Variants in BCLAF3 observed in about 807,000 individuals in gnomAD.
BCLAF3 encodes the protein BCLAF1 and THRAP3 family member 3.
A neutral mutation model predicts 51.2 loss-of-function variants in BCLAF3; 24 were observed. The ratio of observed to expected loss-of-function variants is 0.47; its 90% CI spans 0.34 to 0.66. BCLAF3 has a LOEUF of 0.66. Among genes scored for constraint, BCLAF3 ranks in the 30% least tolerant of loss-of-function variants. BCLAF3 has a pLI of 0.01. For missense variants in BCLAF3, 465 were observed against 525.1 expected (o/e 0.89, Z 1.12); for synonymous variants, 152 against 176.6 (o/e 0.86, Z 1.10).
At chrX:19,950,902 A>G (rs372335470) in intron 7 of BCLAF3, 34 bp from the exon 8 acceptor site, 32 of 1,015,560 alleles carry the variant, frequency 3.2e-5, no homozygotes, top group Non-Finnish European at 4.3e-5. Flanking sequence ...AACCATTCAC[A>G]TTACTTTTAG....
intron 8 of BCLAF3, among the ~76,000 whole-genome samples, chrX:19,947,466 A>C (rs1472612267): frequency 9.0e-6 from 1 of 111,730 alleles, no homozygotes; most frequent in Non-Finnish European, 1.9e-5. Context: ...ACGGGTAAGA[A>C]GTGGAAGTAA....
chrX:19,988,253 T>C (rs1217246666), intron 1 of BCLAF3, among the ~76,000 whole-genome samples: 2 of 112,241 alleles, frequency 1.8e-5, no homozygotes, highest in African/African-American at 6.5e-5. Context: ...TTTTAAATAT[T>C]TGCTCCTTCA....
chrX:19,955,565 C>T lies in BCLAF3; in HGVS notation c.1276G>A (p.Val426Ile). Residue 426 changes from valine (V) to isoleucine (I), a missense_variant and splice_region_variant, in exon 5 of 12, where the codon GTT becomes ATT. Coordinates refer to ENST00000379682, the MANE Select transcript of BCLAF3 (RefSeq NM_001367774.2). The part of the protein sequence containing the change: ...DVKKTVDTFR[V>I]ASSYSTERQM... ...CTCTCTGTGGAATAGCTAGAAGCAACCCTAGAATAATTTGCAAATGTTTAA... is the reference window on the plus strand; with the variant it reads ...CTCTCTGTGGAATAGCTAGAAGCAATCCTAGAATAATTTGCAAATGTTTAA... 1.7e-6 allele frequency: 2 copies of T among 1,167,402 alleles called. No homozygotes were observed. Among genetic ancestry groups the T allele is most frequent in the Non-Finnish European group, 2.3e-6 (2 of 878,581 alleles).
intron 9 of BCLAF3, among the ~76,000 whole-genome samples, chrX:19,936,932 C>T (rs2070785119): frequency 8.9e-6 from 1 of 111,962 alleles, no homozygotes; most frequent in Admixed American, 9.5e-5. Flanking sequence ...AATTGTACAC[C>T]TAAAATGGGT....
At chrX:19,920,899 C>T (rs1292272357) in intron 11 of BCLAF3, among the ~76,000 whole-genome samples, 1 of 109,426 alleles carries the variant, frequency 9.1e-6, no homozygotes, top group African/African-American at 3.3e-5. Flanking sequence ...AGGCAAATGA[C>T]AATAATTAGA....
intron 8 of BCLAF3, among the ~76,000 whole-genome samples, chrX:19,949,915 G>A (rs2071424841): frequency 9.0e-6 from 1 of 111,381 alleles, no homozygotes; most frequent in Admixed American, 9.5e-5. Flanking sequence ...AATCATATGG[G>A]GCCCCAGAGT....
chrX:19,958,501 C>G (rs919627217), intron 4 of BCLAF3, among the ~76,000 whole-genome samples: 1 of 112,459 alleles, frequency 8.9e-6, no homozygotes, highest in African/African-American at 3.2e-5. Context: ...TCACATGCAG[C>G]ATAACGGCGT....
chrX:19,940,465 A>C (rs1438014847), intron 8 of BCLAF3, among the ~76,000 whole-genome samples: 6 of 109,385 alleles, frequency 5.5e-5, no homozygotes, highest in Non-Finnish European at 7.6e-5. Flanking sequence ...ATTCCCCTTC[A>C]TGTGTCCATG....
At chrX:19,970,622 G>A (rs2072226035) in intron 1 of BCLAF3, among the ~76,000 whole-genome samples, 1 of 111,269 alleles carries the variant, frequency 9.0e-6, no homozygotes, top group Admixed American at 9.6e-5. Context: ...ATTGAGATGT[G>A]TCGTAAGTGT....
intron 1 of BCLAF3, among the ~76,000 whole-genome samples, chrX:19,980,059 T>C (rs1319673112): frequency 8.9e-6 from 1 of 112,018 alleles, no homozygotes; most frequent in Non-Finnish European, 1.9e-5. Context: ...AGAACTAAAC[T>C]AATATTTAAA....
chrX:19,982,336 G>T (rs1195033461), intron 1 of BCLAF3, among the ~76,000 whole-genome samples: 2 of 110,554 alleles, frequency 1.8e-5, no homozygotes, highest in Non-Finnish European at 1.9e-5. Context: ...TCACAGAAAC[G>T]CACCAAGTCA....
At chrX:19,918,891 A>C (rs1008856781) in intron 11 of BCLAF3, among the ~76,000 whole-genome samples, 1 of 110,144 alleles carries the variant, frequency 9.1e-6, no homozygotes, top group Non-Finnish European at 1.9e-5. Flanking sequence ...AGCACTTCTT[A>C]TCTAGGTTTT....
rs762216127 is a variant in BCLAF3, at chrX:19,965,371, C to T, written c.947G>A (p.Gly316Asp). The T allele has an allele frequency of 2.5e-6, 3 of 1,209,249 alleles. No homozygotes were observed. The highest frequency in any genetic ancestry group is 3.4e-6 in the Non-Finnish European group (3 of 894,631). ...EEDRKYSFQK[G>D]PLNRELDCFN... is the part of the protein sequence containing the mutation. ...ACAATCTAACTCTCTATTTAGAGGG[C>T]CTTTTTGAAAACTATATTTTCTATC... The change falls in exon 4 of 12, where the codon GGC becomes GAC. Residue 316 changes from glycine to aspartate, a missense_variant. Physicochemically the swap from Gly to Asp is moderately conservative, Grantham distance 94. Coordinates refer to ENST00000379682, the MANE Select transcript of BCLAF3 (RefSeq NM_001367774.2).
At chrX:19,978,059 A>G (rs912080440) in intron 1 of BCLAF3, among the ~76,000 whole-genome samples, 1 of 112,074 alleles carries the variant, frequency 8.9e-6, no homozygotes, top group African/African-American at 3.2e-5. Flanking sequence ...ATGCTCATTG[A>G]CAATGCACCT....
intron 1 of BCLAF3, among the ~76,000 whole-genome samples, chrX:19,977,563 T>C (rs959474061): frequency 1.8e-5 from 2 of 111,800 alleles, no homozygotes; most frequent in Non-Finnish European, 3.8e-5. Context: ...AGAAGCAAAG[T>C]TGGAAGTTAG....
chrX:19,987,404 A>T (rs1294176971), intron 1 of BCLAF3, among the ~76,000 whole-genome samples: 1 of 111,967 alleles, frequency 8.9e-6, no homozygotes. Flanking sequence ...TCCTGGGTTC[A>T]AGCAATTCTC....
rs955614317 is a variant in BCLAF3, at chrX:19,915,655, G to A, written c.*1650C>T. ...TTAGACTCTTCGTACCATAAAGGCA[G>A]GGTCCATGTGTCTTGTCTTCTTGTT... On this transcript the variant is annotated 3_prime_UTR_variant, in exon 12 of 12. Coordinates refer to ENST00000379682, the MANE Select transcript of BCLAF3 (RefSeq NM_001367774.2). 12 of 111,860 alleles carry A rather than the reference G, an allele frequency of 1.1e-4. No homozygotes were observed. The highest frequency in any genetic ancestry group is 2.1e-4 in the Non-Finnish European group (11 of 53,164). 9.2% of individuals were successfully genotyped at this position (111,860 alleles called of 1,213,427 possible). A position where few individuals can be genotyped will look rare whatever the true frequency, so the allele number is the denominator to read the frequency against.
intron 11 of BCLAF3, among the ~76,000 whole-genome samples, chrX:19,922,762 T>C (rs1321352437): frequency 4.5e-5 from 5 of 110,627 alleles, no homozygotes; most frequent in African/African-American, 9.9e-5. Context: ...TAGCCGGGCA[T>C]TGTGGCATGC....
chrX:19,928,515 G>A (rs779434148), intron 11 of BCLAF3, among the ~76,000 whole-genome samples: 11 of 110,718 alleles, frequency 9.9e-5, no homozygotes, highest in East Asian at 2.9e-4. Flanking sequence ...CCCAGGAGGC[G>A]GAGGTTGCAC....
Sources: gnomAD v4.1 joint callset for allele counts (sites outside exome capture counted in the v4.1 genomes callset) on GRCh38, gnomAD v4.1.1 for gene constraint, MANE v1.5 for transcripts, NCBI Gene and HGNC (gene_info 2026-07-23, HGNC 2026-07-21) for gene names.